The following PHEX variants were observed in gnomAD, a reference collection of about 807,000 sequenced individuals.
PHEX encodes the protein phosphate regulating endopeptidase X-linked.
A neutral mutation model predicts 68.0 loss-of-function variants in PHEX; 16 were observed. The observed-to-expected ratio is 0.24, with a 90% CI of 0.16 to 0.36. The LOEUF is 0.36. Ranked by LOEUF, PHEX falls within the 10% of genes least tolerant of loss-of-function variation. The pLI is 1.00. For missense variants in PHEX, 480 were observed against 575.5 expected (o/e 0.83, Z 1.70); for synonymous variants, 208 against 205.1 (o/e 1.01, Z -0.12).
At chrX:22,218,627 C>T (rs1228704018) in intron 16 of PHEX, among the ~76,000 whole-genome samples, 1 of 111,642 alleles carries the variant, frequency 9.0e-6, no homozygotes, top group African/African-American at 3.3e-5. Flanking sequence ...GACTTTTCAA[C>T]AAGTTTCCAG....
chrX:22,046,002 C>T (rs1927511268), intron 2 of PHEX, among the ~76,000 whole-genome samples: 1 of 112,404 alleles, frequency 8.9e-6, no homozygotes, highest in African/African-American at 3.2e-5. Flanking sequence ...ACCATAGAGG[C>T]CTGGAACAAA....
chrX:22,186,491 A>G (rs1387323031), intron 14 of PHEX, among the ~76,000 whole-genome samples: 1 of 112,785 alleles, frequency 8.9e-6, no homozygotes, highest in East Asian at 2.8e-4. Context: ...ATTAGAGAAT[A>G]GTAAAACTAA....
At chrX:22,094,735 G>A (rs949861958) in intron 7 of PHEX, among the ~76,000 whole-genome samples, 4 of 112,003 alleles carry the variant, frequency 3.6e-5, no homozygotes, top group African/African-American at 9.7e-5. Flanking sequence ...AGAACTACAT[G>A]TCTATGTAAA....
chrX:22,145,891 T>G (rs1214373654), intron 12 of PHEX, among the ~76,000 whole-genome samples: 1 of 112,516 alleles, frequency 8.9e-6, no homozygotes, highest in Admixed American at 9.4e-5. Flanking sequence ...TCTTGATTAA[T>G]TTTCACAAGT....
At chrX:22,117,803 C>G (rs774357445) in intron 11 of PHEX, among the ~76,000 whole-genome samples, 34 of 110,969 alleles carry the variant, frequency 3.1e-4, no homozygotes, top group Non-Finnish European at 5.3e-4. Context: ...ATCTCTTTAA[C>G]GTAAAATTGT....
chrX:22,105,987 T>C (rs1930667536), intron 9 of PHEX, among the ~76,000 whole-genome samples: 1 of 112,237 alleles, frequency 8.9e-6, no homozygotes, highest in Non-Finnish European at 1.9e-5. Flanking sequence ...CATGTTGCTC[T>C]CTTTGTGGTG....
At chrX:22,188,696 T>C (rs1211279462) in intron 14 of PHEX, among the ~76,000 whole-genome samples, 1 of 112,206 alleles carries the variant, frequency 8.9e-6, no homozygotes, top group Non-Finnish European at 1.9e-5. Flanking sequence ...CAATGCATAA[T>C]CATCACATCA....
intron 5 of PHEX, among the ~76,000 whole-genome samples, chrX:22,085,832 T>C (rs560808061): frequency 5.4e-5 from 6 of 111,920 alleles, no homozygotes; most frequent in African/African-American, 1.9e-4. Context: ...GCTTAGTGTC[T>C]AGTTTAACGC....
At chrX:22,109,181 T>G (rs1930842686) in intron 9 of PHEX, among the ~76,000 whole-genome samples, 1 of 111,311 alleles carries the variant, frequency 9.0e-6, no homozygotes, top group Non-Finnish European at 1.9e-5. Flanking sequence ...ACAAAAGAAA[T>G]ACAATGGTGG....
chrX:22,129,148 G>A (rs1305969284), intron 11 of PHEX, among the ~76,000 whole-genome samples: 2 of 111,168 alleles, frequency 1.8e-5, no homozygotes, highest in African/African-American at 6.5e-5. Context: ...TATTGGGTGC[G>A]TATATACAGG....
chrX:22,167,213 C>A (rs996359400), intron 12 of PHEX, among the ~76,000 whole-genome samples: 2 of 110,937 alleles, frequency 1.8e-5, no homozygotes, highest in African/African-American at 6.6e-5. Flanking sequence ...TTTAGAGGAA[C>A]CTCCATAGTG....
At chrX:22,150,506 G>A (rs1432474405) in intron 12 of PHEX, among the ~76,000 whole-genome samples, 1 of 112,218 alleles carries the variant, frequency 8.9e-6, no homozygotes, top group Non-Finnish European at 1.9e-5. Flanking sequence ...ATAGGCAATA[G>A]GCAAACAAAT....
At chrX:22,074,747 T>G (rs1166618531) in intron 3 of PHEX, among the ~76,000 whole-genome samples, 3 of 108,909 alleles carry the variant, frequency 2.8e-5, no homozygotes, top group Non-Finnish European at 5.7e-5. Context: ...TTTAGATCTT[T>G]CTGCGTATTA....
chrX:22,066,625 T>C (rs773879883), intron 3 of PHEX, among the ~76,000 whole-genome samples: 1 of 111,477 alleles, frequency 9.0e-6, no homozygotes, highest in Non-Finnish European at 1.9e-5. Flanking sequence ...GGGGAGAGGA[T>C]TCTGGATAGA....
intron 9 of PHEX, among the ~76,000 whole-genome samples, chrX:22,102,365 T>A (rs1930469229): frequency 8.9e-6 from 1 of 112,250 alleles, no homozygotes; most frequent in Admixed American, 9.5e-5. Context: ...AACATTATGA[T>A]CTCCAGTTCC....
chrX:22,219,486 A>T (rs1014005587), intron 17 of PHEX, among the ~76,000 whole-genome samples: 2 of 112,655 alleles, frequency 1.8e-5, no homozygotes, highest in Non-Finnish European at 3.7e-5. Flanking sequence ...CGATGATTAT[A>T]CATGCTGCCA....
chrX:22,231,665 A>ATTAGTCTTTCTTGCTAGTGGTC (rs1935743678), intron 20 of PHEX, among the ~76,000 whole-genome samples: 1 of 110,122 alleles, frequency 9.1e-6, no homozygotes, highest in Non-Finnish European at 1.9e-5. Context: ...TCTCTCCCTT[A>ATTAGTCTTTCTTGCTAGTGGTC]TTAGTCTTTC....
intron 15 of PHEX, among the ~76,000 whole-genome samples, chrX:22,200,563 C>G (rs1427013149): frequency 9.0e-6 from 1 of 110,895 alleles, no homozygotes; most frequent in African/African-American, 3.3e-5. Context: ...GAGCTGAGAT[C>G]GTGCCACTGT....
intron 12 of PHEX, among the ~76,000 whole-genome samples, chrX:22,146,480 G>A (rs1207504709): frequency 1.8e-5 from 2 of 112,009 alleles, no homozygotes; most frequent in African/African-American, 6.5e-5. Context: ...TGCTAGTGTT[G>A]AGGAATATAA....
Sources: gnomAD v4.1 joint callset for allele counts (sites outside exome capture counted in the v4.1 genomes callset) on GRCh38, gnomAD v4.1.1 for gene constraint, MANE v1.5 for transcripts, NCBI Gene and HGNC (gene_info 2026-07-23, HGNC 2026-07-21) for gene names.